Variants in CCDC192 observed in about 807,000 individuals in gnomAD.
The protein encoded by CCDC192 is coiled-coil domain-containing protein 192.
intron 2 of CCDC192, among the ~76,000 whole-genome samples, chr5:127,751,917 G>C (rs1326921219): frequency 6.6e-6 from 1 of 151,896 alleles, no homozygotes; most frequent in Non-Finnish European, 1.5e-5. Context: ...CGGCTCCTGA[G>C]GCTTCTGCAT....
chr5:127,848,537 C>T lies in CCDC192; in HGVS notation c.412-27001C>T, dbSNP rs1167670161. On this transcript the variant is annotated intron_variant, in intron 5 of 6. Coordinates refer to ENST00000514853, the MANE Select transcript of CCDC192 (RefSeq NM_001317938.2). ...AATTAAAAGCTCAGGCCGGATAACT[C>T]TTCAGGGATTCAAAACCCATCTCTG... Among the ~76,000 whole-genome samples the T allele has an allele frequency of 3.3e-5, 5 of 152,298 alleles. No homozygotes were observed. In the East Asian group the frequency reaches 7.7e-4, roughly 23 times the overall value.
chr5:127,874,693 CAA>C (rs1751994858), intron 5 of CCDC192, among the ~76,000 whole-genome samples: 1 of 152,140 alleles, frequency 6.6e-6, no homozygotes, highest in African/African-American at 2.4e-5. Flanking sequence ...TACCAGCCCA[CAA>C]AGACTTGGCA....
At chr5:127,923,678 T>C (rs1753793145) in intron 6 of CCDC192, among the ~76,000 whole-genome samples, 1 of 152,148 alleles carries the variant, frequency 6.6e-6, no homozygotes, top group African/African-American at 2.4e-5. Context: ...CGCCCGGCCT[T>C]TTCATTAGTC....
chr5:127,837,611 C>T (rs1042598902), intron 5 of CCDC192, among the ~76,000 whole-genome samples: 31 of 152,224 alleles, frequency 2.0e-4, no homozygotes, highest in African/African-American at 6.0e-4. Flanking sequence ...AGGGATTACA[C>T]TTCACTATGG....
intron 6 of CCDC192, among the ~76,000 whole-genome samples, chr5:127,880,715 C>G (rs990290234): frequency 6.6e-6 from 1 of 152,108 alleles, no homozygotes; most frequent in East Asian, 1.9e-4. Flanking sequence ...CACGGTGGCT[C>G]ACACCTGTAA....
intron 2 of CCDC192, among the ~76,000 whole-genome samples, chr5:127,729,502 G>A (rs1752518627): frequency 6.6e-6 from 1 of 152,158 alleles, no homozygotes; most frequent in Non-Finnish European, 1.5e-5. Context: ...CTTGAACTCA[G>A]CTCTGAATCC....
chr5:127,794,788 G>A (rs940049614), intron 3 of CCDC192, among the ~76,000 whole-genome samples: 6 of 152,076 alleles, frequency 3.9e-5, no homozygotes, highest in African/African-American at 1.4e-4. Context: ...AAATGGTAAC[G>A]ATGGATCACA....
At chr5:127,737,436 T>A (rs1303327414) in intron 2 of CCDC192, among the ~76,000 whole-genome samples, 1 of 151,904 alleles carries the variant, frequency 6.6e-6, no homozygotes, top group Non-Finnish European at 1.5e-5. Flanking sequence ...TCTGTAGATG[T>A]CTATTAGGTC....
intron 2 of CCDC192, among the ~76,000 whole-genome samples, chr5:127,748,900 C>T (rs1753949052): frequency 6.6e-6 from 1 of 150,462 alleles, no homozygotes; most frequent in South Asian, 2.1e-4. Context: ...CATGATTTGG[C>T]TCTCTGTTTG....
At chr5:127,766,599 C>T (rs1342242665) in intron 3 of CCDC192, among the ~76,000 whole-genome samples, 3 of 119,222 alleles carry the variant, frequency 2.5e-5, no homozygotes, top group East Asian at 2.5e-4. Flanking sequence ...TATGTACTCA[C>T]GTCCTGTGTA....
intron 6 of CCDC192, among the ~76,000 whole-genome samples, chr5:127,919,071 A>ATGTG (rs753703678): frequency 3.9e-4 from 52 of 132,372 alleles, no homozygotes; most frequent in African/African-American, 1.5e-3. Flanking sequence ...GTGTGTGTAT[A>ATGTG]TATGTGTGTG....
chr5:127,897,491 A>C (rs945293772), intron 6 of CCDC192, among the ~76,000 whole-genome samples: 1 of 152,228 alleles, frequency 6.6e-6, no homozygotes, highest in African/African-American at 2.4e-5. Context: ...CTAAGTGCTT[A>C]TGACAGAGCA....
chr5:127,931,149 T>G (rs1754019370), intron 6 of CCDC192, among the ~76,000 whole-genome samples: 1 of 152,172 alleles, frequency 6.6e-6, no homozygotes, highest in Non-Finnish European at 1.5e-5. Context: ...GGGGAGTCAC[T>G]GTGCTTCCAA....
At chr5:127,770,816 T>C (rs1755507837) in intron 3 of CCDC192, among the ~76,000 whole-genome samples, 1 of 152,166 alleles carries the variant, frequency 6.6e-6, no homozygotes, top group African/African-American at 2.4e-5. Context: ...TGCAGGAACA[T>C]TTTAGGAAAT....
In CCDC192 at chr5:127,788,747, C is replaced by T. The variant is rs145546284; in HGVS notation, c.223-8356C>T. On this transcript the variant is annotated intron_variant, in intron 3 of 6. Transcript: ENST00000514853. ...GGCCTCTTAGGTTCTGTTTATTTCT[C>T]TTCATTGTTTTTTCTTTCTGCTGTT... 3.0e-3 allele frequency among the ~76,000 whole-genome samples: 453 copies of T among 152,180 alleles called. 2 individuals carry two copies. Among genetic ancestry groups the T allele is most frequent in the African/African-American group, 0.01 (422 of 41,498 alleles).
At chr5:127,797,704 A>G (rs1757234379) in intron 4 of CCDC192, among the ~76,000 whole-genome samples, 1 of 143,568 alleles carries the variant, frequency 7.0e-6, no homozygotes, top group Admixed American at 7.0e-5. Flanking sequence ...TTGCTTTTGG[A>G]ATATATGGAT....
chr5:127,717,533 T>C (rs1336666281), intron 2 of CCDC192, among the ~76,000 whole-genome samples: 1 of 152,138 alleles, frequency 6.6e-6, no homozygotes, highest in African/African-American at 2.4e-5. Flanking sequence ...AGATCAAAAT[T>C]TCAATTAATT....
intron 5 of CCDC192, 88 bp downstream of exon 5, chr5:127,798,250 G>A (rs1757285968): frequency 2.5e-6 from 1 of 395,288 alleles, no homozygotes; most frequent in Non-Finnish European, 4.5e-6. Flanking sequence ...TTATAAATGA[G>A]TTTCGTCTGG....
At chr5:127,763,203 C>A (rs1307246756) in intron 3 of CCDC192, among the ~76,000 whole-genome samples, 2 of 152,168 alleles carry the variant, frequency 1.3e-5, no homozygotes, top group South Asian at 4.1e-4. Context: ...ACAGACAACT[C>A]AAGCTCTCCA....
Sources: gnomAD v4.1 joint callset for allele counts (sites outside exome capture counted in the v4.1 genomes callset) on GRCh38, gnomAD v4.1.1 for gene constraint, MANE v1.5 for transcripts, NCBI Gene and HGNC (gene_info 2026-07-23, HGNC 2026-07-21) for gene names.